Variants in ADCY2 observed in about 807,000 individuals in gnomAD.
The protein encoded by ADCY2 is adenylate cyclase 2.
Under a neutral mutation model 125.2 loss-of-function variants are expected in ADCY2, and 31 were observed. The ratio of observed to expected loss-of-function variants is 0.25; its 90% CI spans 0.19 to 0.33. The LOEUF (loss-of-function observed/expected upper bound fraction) is 0.33. ADCY2 is among the 10% of genes least tolerant of loss of function. ADCY2 has a pLI of 1.00. For synonymous variants in ADCY2, 512 were observed against 548.4 expected, an observed-to-expected ratio of 0.93 and a Z score of 0.93; for missense variants, 904 against 1,418.2, an observed-to-expected ratio of 0.64 and a Z score of 5.82.
intron 4 of ADCY2, among the ~76,000 whole-genome samples, chr5:7,637,093 C>T (rs1738531090): frequency 6.6e-6 from 1 of 152,102 alleles, no homozygotes; most frequent in Admixed American, 6.5e-5. Context: ...TATTATATTA[C>T]ATAGTTTTCC....
chr5:7,705,120 A>G (rs1056523580), intron 7 of ADCY2, among the ~76,000 whole-genome samples: 1 of 152,184 alleles, frequency 6.6e-6, no homozygotes, highest in African/African-American at 2.4e-5. Flanking sequence ...CCTCTCAACA[A>G]CATAAAATGT....
chr5:7,516,850 G>A (rs182083392), intron 2 of ADCY2, among the ~76,000 whole-genome samples: 62 of 152,220 alleles, frequency 4.1e-4, no homozygotes, highest in African/African-American at 1.5e-3. Context: ...AACCAGCTCA[G>A]TGAGGTCAGG....
chr5:7,663,384 G>A (rs1739603260), intron 4 of ADCY2, among the ~76,000 whole-genome samples: 1 of 152,230 alleles, frequency 6.6e-6, no homozygotes, highest in Admixed American at 6.5e-5. Context: ...CATGTCTCTG[G>A]GTGCACTTTT....
At chr5:7,444,293 T>G (rs1963033) in intron 2 of ADCY2, among the ~76,000 whole-genome samples, 65,556 of 151,464 alleles carry the variant, frequency 0.43, 14,288 homozygotes, top group South Asian at 0.52. Context: ...TTTTTTGTAT[T>G]TTTAGTAGAG....
chr5:7,525,521 A>G (rs539421893), intron 3 of ADCY2, among the ~76,000 whole-genome samples: 156 of 152,252 alleles, frequency 1.0e-3, no homozygotes, highest in African/African-American at 3.5e-3. Context: ...TTCTGATGAA[A>G]GAATCGGGAG....
intron 2 of ADCY2, among the ~76,000 whole-genome samples, chr5:7,476,984 T>G (rs1379101572): frequency 6.6e-6 from 1 of 152,206 alleles, no homozygotes; most frequent in Non-Finnish European, 1.5e-5. Flanking sequence ...CCTAGAATAT[T>G]ACTTTGTGTC....
Position 7,468,460 on chromosome 5 carries a change from A to G in ADCY2, c.409-52278A>G, listed in dbSNP as rs550111345. Among the ~76,000 whole-genome samples the G allele has an allele frequency of 4.6e-5, 7 of 152,226 alleles. No individual in the cohort carries two copies. The East Asian group carries it at 1.2e-3, about 25-fold the overall frequency. On this transcript the variant is annotated intron_variant, in intron 2 of 24. Transcript: ENST00000338316. ...TTCTTATCAGTTTGAGAGCTAAATG[A>G]TAGATCAAATATATTCATTTGTATT...
At chr5:7,418,123 G>T (rs1282308199) in intron 2 of ADCY2, among the ~76,000 whole-genome samples, 2 of 152,074 alleles carry the variant, frequency 1.3e-5, no homozygotes, top group Non-Finnish European at 2.9e-5. Context: ...TGTTGAATTT[G>T]TTGGCCAAAT....
At chr5:7,635,365 G>T (rs990439276) in intron 4 of ADCY2, among the ~76,000 whole-genome samples, 1 of 152,136 alleles carries the variant, frequency 6.6e-6, no homozygotes, top group African/African-American at 2.4e-5. Context: ...AGAGTGGACA[G>T]ATTTAGGACA....
chr5:7,502,618 A>G (rs947003311), intron 2 of ADCY2, among the ~76,000 whole-genome samples: 4 of 152,222 alleles, frequency 2.6e-5, no homozygotes, highest in African/African-American at 4.8e-5. Context: ...GGTCATTCAA[A>G]TATGTGTTCA....
intron 18 of ADCY2, among the ~76,000 whole-genome samples, chr5:7,778,370 C>G (rs1743809740): frequency 6.6e-6 from 1 of 152,202 alleles, no homozygotes; most frequent in Non-Finnish European, 1.5e-5. Context: ...TCTAGAGACA[C>G]ATGGGACATG....
intron 3 of ADCY2, among the ~76,000 whole-genome samples, chr5:7,578,885 G>A (rs777200162): frequency 6.6e-6 from 1 of 152,110 alleles, no homozygotes. Flanking sequence ...ATCCTGGTTG[G>A]CTAGTTTGAG....
At chr5:7,655,482 C>T (rs993912404) in intron 4 of ADCY2, among the ~76,000 whole-genome samples, 16 of 152,288 alleles carry the variant, frequency 1.1e-4, no homozygotes, top group African/African-American at 1.7e-4. Context: ...AAAAGACTGA[C>T]GTTCCAGCTG....
chr5:7,802,415 C>A lies in ADCY2; in HGVS notation c.2775+51C>A. On this transcript the variant is annotated intron_variant, in intron 21 of 24. Coordinates refer to ENST00000338316, the MANE Select transcript of ADCY2 (RefSeq NM_020546.3). This position sits in a 1 kb window ranked among gnomAD's most constrained non-coding sequence, Gnocchi z 4.6. ...GGGCAGCAGTACACTCAGTCTCACA[C>A]CTGTGCACTTGAAGTTACTTCAGGA... is the stretch of plus-strand genomic sequence containing the variant. 1 of 1,584,892 alleles carries A rather than the reference C, an allele frequency of 6.3e-7. No homozygotes were observed. The highest frequency in any genetic ancestry group is 8.6e-7 in the Non-Finnish European group (1 of 1,164,554).
At chr5:7,693,938 G>A (rs1373089656) in intron 5 of ADCY2, among the ~76,000 whole-genome samples, 4 of 152,168 alleles carry the variant, frequency 2.6e-5, no homozygotes, top group African/African-American at 7.2e-5. Context: ...TTCTCTGAGC[G>A]AGCATCGTTC....
chr5:7,430,945 C>A (rs1226192743), intron 2 of ADCY2, among the ~76,000 whole-genome samples: 1 of 152,100 alleles, frequency 6.6e-6, no homozygotes, highest in Non-Finnish European at 1.5e-5. Context: ...TGTTAATTCT[C>A]CCCAAATTTA....
intron 3 of ADCY2, among the ~76,000 whole-genome samples, chr5:7,549,100 C>T (rs1005559107): frequency 1.3e-5 from 2 of 152,180 alleles, no homozygotes; most frequent in African/African-American, 4.8e-5. Context: ...ACATTTTCTT[C>T]TAGTTCTTAC....
At chr5:7,610,647 G>T (rs760799505) in intron 3 of ADCY2, among the ~76,000 whole-genome samples, 2 of 152,154 alleles carry the variant, frequency 1.3e-5, no homozygotes, top group Non-Finnish European at 2.9e-5. Context: ...GGTGTTGTTA[G>T]CTAAGGAGTA....
rs189899872 is a variant in ADCY2, at chr5:7,789,518, A to T, written c.2470-124A>T. On this transcript the variant is annotated intron_variant, in intron 19 of 24. Coordinates refer to ENST00000338316, the MANE Select transcript of ADCY2 (RefSeq NM_020546.3). ...ACAGAGGGCTTTATGGGGAGGGTGG[A>T]AGTTCTGTTTGGGGGTTCTTTTTTC... 1.2e-4 allele frequency: 105 copies of T among 897,066 alleles called. No homozygotes were observed. The East Asian group carries it at 2.6e-3, about 23-fold the overall frequency. The allele number at this position is 897,066 out of a possible 1,614,324, so 55.6% of individuals were successfully genotyped here. A position where few individuals can be genotyped will look rare whatever the true frequency, so the allele number is the denominator to read the frequency against.
Sources: allele counts gnomAD v4.1 joint callset (sites outside exome capture counted in the v4.1 genomes callset), GRCh38; gene constraint gnomAD v4.1.1; non-coding constraint Gnocchi (gnomAD v3.1); transcripts MANE v1.5; gene names NCBI Gene and HGNC (gene_info 2026-07-23, HGNC 2026-07-21).